The following ITGA9 variants were observed in gnomAD, a reference collection of about 807,000 sequenced individuals.
The protein encoded by ITGA9 is integrin subunit alpha 9.
A neutral mutation model predicts 127.8 loss-of-function variants in ITGA9; 56 were observed. The observed-to-expected ratio is 0.44, with a 90% CI of 0.35 to 0.55. The LOEUF is 0.55. Ranked by LOEUF, ITGA9 falls within the 20% of genes least tolerant of loss-of-function variation. ITGA9 has a pLI of 0.00. For synonymous variants in ITGA9, 508 were observed against 514.5 expected (o/e 0.99, Z 0.17); for missense variants, 1,196 against 1,347.1 (o/e 0.89, Z 1.76).
intron 4 of ITGA9, among the ~76,000 whole-genome samples, chr3:37,493,748 G>T (rs1218205492): frequency 6.6e-6 from 1 of 152,160 alleles, no homozygotes; most frequent in Non-Finnish European, 1.5e-5. Flanking sequence ...AGGGATGAGG[G>T]ACCGGTGAAA....
At chr3:37,569,727 AG>A (rs1476257120) in intron 15 of ITGA9, among the ~76,000 whole-genome samples, 2 of 152,248 alleles carry the variant, frequency 1.3e-5, no homozygotes, top group Non-Finnish European at 2.9e-5. Flanking sequence ...TCATGTGATG[AG>A]TCACAGTTAA....
At chr3:37,770,535 A>T (rs1169609723) in intron 23 of ITGA9, among the ~76,000 whole-genome samples, 1 of 152,154 alleles carries the variant, frequency 6.6e-6, no homozygotes, top group African/African-American at 2.4e-5. Flanking sequence ...ATTTCCTCCA[A>T]GCCGTTTATC....
intron 27 of ITGA9, among the ~76,000 whole-genome samples, chr3:37,813,389 T>C (rs1697392090): frequency 6.6e-6 from 1 of 152,252 alleles, no homozygotes; most frequent in South Asian, 2.1e-4. Flanking sequence ...CTTTAGTCTT[T>C]AGTTTTTATA....
At chr3:37,556,263 G>A (rs1303916363) in intron 15 of ITGA9, among the ~76,000 whole-genome samples, 1 of 152,186 alleles carries the variant, frequency 6.6e-6, no homozygotes, top group Non-Finnish European at 1.5e-5. Flanking sequence ...TGACTTCTTA[G>A]TAGGGGTCTG....
At chr3:37,563,305 T>A (rs541847032) in intron 15 of ITGA9, among the ~76,000 whole-genome samples, 1 of 152,198 alleles carries the variant, frequency 6.6e-6, no homozygotes, top group African/African-American at 2.4e-5. Flanking sequence ...CTTGGTCACA[T>A]GAGATTGCCT....
At position 37,634,636 on chromosome 3, in the gene ITGA9, G is replaced by A. The variant is rs115610422; in HGVS notation, c.1839+5300G>A. Among the ~76,000 whole-genome samples the A allele has an allele frequency of 3.7e-3, 565 of 152,260 alleles. 8 individuals carry two copies. Among genetic ancestry groups the A allele is most frequent in the African/African-American group, 0.013 (530 of 41,548 alleles). On this transcript the variant is annotated intron_variant, in intron 16 of 27. Coordinates refer to ENST00000264741, the MANE Select transcript of ITGA9 (RefSeq NM_002207.3). ...ATAGATCTTATGAGAGAGATAGATT[G>A]CAGTACATTAATATTAGGGAATTTC...
At chr3:37,634,114 C>T (rs946357788) in intron 16 of ITGA9, among the ~76,000 whole-genome samples, 2 of 151,692 alleles carry the variant, frequency 1.3e-5, no homozygotes, top group African/African-American at 4.8e-5. Context: ...AATAAAAAAG[C>T]AAAGAACCAA....
chr3:37,598,424 C>T (rs1699888066), intron 15 of ITGA9, among the ~76,000 whole-genome samples: 1 of 152,108 alleles, frequency 6.6e-6, no homozygotes. Context: ...ATGGAAATTT[C>T]TGTAGGAAGG....
chr3:37,756,159 C>CAAAA (rs35974802), intron 23 of ITGA9, among the ~76,000 whole-genome samples: 70 of 142,430 alleles, frequency 4.9e-4, no homozygotes, highest in African/African-American at 6.6e-4. Flanking sequence ...GTAAGGCATT[C>CAAAA]AAAAAAAAAA....
At position 37,799,623 on chromosome 3, in the gene ITGA9, C is replaced by G. The variant is rs1358332775; in HGVS notation, c.2890-4200C>G. Among the ~76,000 whole-genome samples the G allele has an allele frequency of 6.6e-6, 1 of 152,030 alleles. No homozygotes were observed. The highest frequency in any genetic ancestry group is 2.4e-5 in the African/African-American group (1 of 41,384). The stretch of plus-strand genomic sequence containing the variant: ...TGGTGTCCTGAATTAGATGCTCAGC[C>G]TAAAGGAAAGTCATGGATACTGTAA... On this transcript the variant is annotated intron_variant, in intron 26 of 27. Coordinates refer to ENST00000264741, the MANE Select transcript of ITGA9 (RefSeq NM_002207.3). This position sits in a 1 kb window ranked among gnomAD's most constrained non-coding sequence, Gnocchi z 4.0.
chr3:37,461,146 A>C (rs1047468154), intron 1 of ITGA9, among the ~76,000 whole-genome samples: 2 of 152,172 alleles, frequency 1.3e-5, no homozygotes, highest in Non-Finnish European at 2.9e-5. Context: ...TTCCAGATTC[A>C]GCTGAGTAGT....
chr3:37,778,912 G>A (rs1025918327), intron 24 of ITGA9, among the ~76,000 whole-genome samples: 6 of 137,260 alleles, frequency 4.4e-5, no homozygotes, highest in African/African-American at 1.1e-4. Flanking sequence ...CATAGTGAGG[G>A]TGATATTGTT....
intron 23 of ITGA9, chr3:37,753,783 C>T (rs1255301137): frequency 6.6e-6 from 1 of 152,174 alleles, no homozygotes; most frequent in Non-Finnish European, 1.5e-5. Context: ...TGGAGAAGGC[C>T]AAGCTCCCTG....
chr3:37,642,343 G>T (rs1700341744), intron 16 of ITGA9, among the ~76,000 whole-genome samples: 1 of 152,190 alleles, frequency 6.6e-6, no homozygotes, highest in Non-Finnish European at 1.5e-5. Flanking sequence ...GCCCAGTGAG[G>T]GAAGGGATCT....
chr3:37,613,432 A>G (rs1214901305), intron 15 of ITGA9, among the ~76,000 whole-genome samples: 3 of 152,324 alleles, frequency 2.0e-5, no homozygotes, highest in Admixed American at 6.5e-5. Flanking sequence ...ATACGTGTGC[A>G]TGTGTCTTTA....
At chr3:37,600,527 C>T (rs967409026) in intron 15 of ITGA9, among the ~76,000 whole-genome samples, 4 of 152,120 alleles carry the variant, frequency 2.6e-5, no homozygotes, top group East Asian at 3.9e-4. Context: ...ATGCAGGGCC[C>T]GCGGTAGAGA....
intron 15 of ITGA9, among the ~76,000 whole-genome samples, chr3:37,615,779 G>A (rs1328774411): frequency 1.3e-5 from 2 of 152,118 alleles, no homozygotes; most frequent in Non-Finnish European, 2.9e-5. Context: ...ATTCTCTGAT[G>A]GTAGTTTGTA....
chr3:37,656,454 A>C (rs1368560586), intron 17 of ITGA9, among the ~76,000 whole-genome samples: 5 of 152,110 alleles, frequency 3.3e-5, no homozygotes, highest in Admixed American at 3.3e-4. Context: ...GTTTGTAGCA[A>C]TTGTGAATGG....
chr3:37,818,190 C>CAAA (rs1313662128), intron 27 of ITGA9: 1 of 57,340 alleles, frequency 1.7e-5, no homozygotes, highest in African/African-American at 9.1e-5. Flanking sequence ...TTAAGACTCT[C>CAAA]TAAAAAAAAA....
Sources: gnomAD v4.1 joint callset for allele counts (sites outside exome capture counted in the v4.1 genomes callset) on GRCh38, gnomAD v4.1.1 for gene constraint, Gnocchi (gnomAD v3.1) non-coding constraint, MANE v1.5 for transcripts, NCBI Gene and HGNC (gene_info 2026-07-23, HGNC 2026-07-21) for gene names.